The following IGSF3 variants were observed in gnomAD, a reference collection of about 807,000 sequenced individuals.
The protein encoded by IGSF3 is immunoglobulin superfamily member 3.
IGSF3 carries 23 observed loss-of-function variants against 114.4 expected under a neutral mutation model. That is an observed-to-expected ratio of 0.20 (90% confidence interval 0.14 to 0.28). The LOEUF is 0.28. IGSF3 is among the 10% of genes least tolerant of loss of function. The probability of loss-of-function intolerance (pLI) is 1.00; values close to 1 mark genes in which losing one functional copy is unlikely to be tolerated. For missense variants in IGSF3, 1,172 were observed against 1,591.5 expected, an observed-to-expected ratio of 0.74 and a Z score of 4.48; for synonymous variants, 571 against 645.2, an observed-to-expected ratio of 0.88 and a Z score of 1.74.
chr1:116,608,454 A>G (rs1157641363), intron 4 of IGSF3, 123 bp from the exon 5 acceptor site: 1 of 755,320 alleles, frequency 1.3e-6, no homozygotes, highest in African/African-American at 1.8e-5. Flanking sequence ...GGGGAGGACC[A>G]CAGCACTTAG....
chr1:116,613,507 C>T (rs769617235), intron 4 of IGSF3, among the ~76,000 whole-genome samples: 12 of 152,188 alleles, frequency 7.9e-5, no homozygotes, highest in Non-Finnish European at 1.3e-4. Flanking sequence ...AAAGTATAAA[C>T]ACCATGTAGG....
intron 2 of IGSF3, among the ~76,000 whole-genome samples, chr1:116,619,432 T>C (rs1217995547): frequency 5.3e-5 from 8 of 152,318 alleles, no homozygotes; most frequent in African/African-American, 1.9e-4. Context: ...TTATAAACAA[T>C]CCAGACAAAT....
chr1:116,654,138 C>T lies in IGSF3; in HGVS notation c.43+12146G>A, dbSNP rs1446587833. On this transcript the variant is annotated intron_variant, in intron 2 of 10. Coordinates refer to ENST00000369486, the MANE Select transcript of IGSF3 (RefSeq NM_001007237.3). The surrounding 1 kb of genome is among the most constrained non-coding windows in gnomAD (Gnocchi z 4.4). ...TATGTGAAGCAGAATTCCCAACACA[C>T]CACCATCTCCAAACCAACACCAAAC... Among the ~76,000 whole-genome samples, 2 of 152,224 alleles carry T rather than the reference C, an allele frequency of 1.3e-5. No individual in the cohort carries two copies. Among genetic ancestry groups the T allele is most frequent in the Non-Finnish European group, 2.9e-5 (2 of 68,046 alleles).
rs1455523617 is a variant in IGSF3, at chr1:116,593,169, C to T, written c.2030-4065G>A. On this transcript the variant is annotated intron_variant, in intron 7 of 10. Coordinates refer to ENST00000369486, the MANE Select transcript of IGSF3 (RefSeq NM_001007237.3). This position sits in a 1 kb window ranked among gnomAD's most constrained non-coding sequence, Gnocchi z 4.5. ...ACGCCATGGATCTGCAGATCAGCAT[C>T]ACCTGGGAATCTGCCAGCCCCTGCT... Among the ~76,000 whole-genome samples the T allele has an allele frequency of 1.3e-5, 2 of 152,214 alleles. No homozygotes were observed. The highest frequency in any genetic ancestry group is 4.8e-5 in the African/African-American group (2 of 41,462).
Position 116,636,534 on chromosome 1 carries a change from C to G in IGSF3, c.44-20077G>C, listed in dbSNP as rs1483084684. On this transcript the variant is annotated intron_variant, in intron 2 of 10. Transcript: ENST00000369486. This position sits in a 1 kb window ranked among gnomAD's most constrained non-coding sequence, Gnocchi z 4.5. ...CCTAGAATGGTGTGTGGCACCTGAA[C>G]AGACCTCAAAAATATTAGTTGAGTG... Among the ~76,000 whole-genome samples the G allele has an allele frequency of 6.6e-6, 1 of 152,200 alleles. No individual in the cohort carries two copies. Among genetic ancestry groups the G allele is most frequent in the Non-Finnish European group, 1.5e-5 (1 of 68,030 alleles).
At chr1:116,635,684 G>A (rs1647794960) in intron 2 of IGSF3, among the ~76,000 whole-genome samples, 1 of 152,174 alleles carries the variant, frequency 6.6e-6, no homozygotes, top group Non-Finnish European at 1.5e-5. Context: ...CTTCTTGTTG[G>A]GACACTGAAG....
chr1:116,577,011 A>C lies in IGSF3; in HGVS notation c.*301T>G. ...GAAGCCCTGTAACATCTATCTGAGA[A>C]TACTAGATAAATCTGTGAGTAGATG... On this transcript the variant is annotated 3_prime_UTR_variant, in exon 11 of 11. Coordinates refer to ENST00000369486, the MANE Select transcript of IGSF3 (RefSeq NM_001007237.3). This position sits in a 1 kb window ranked among gnomAD's most constrained non-coding sequence, Gnocchi z 5.7. 2.9e-6 allele frequency: 1 copy of C among 350,538 alleles called. No individual in the cohort carries two copies. Among genetic ancestry groups the C allele is most frequent in the Non-Finnish European group, 5.3e-6 (1 of 189,448 alleles). 21.7% of individuals were successfully genotyped at this position (350,538 alleles called of 1,614,324 possible).
intron 2 of IGSF3, among the ~76,000 whole-genome samples, chr1:116,620,977 A>G (rs901822959): frequency 1.3e-5 from 2 of 152,194 alleles, no homozygotes; most frequent in Non-Finnish European, 2.9e-5. Context: ...CTCATGTTCA[A>G]TTATAATCCC....
chr1:116,660,715 T>C (rs374513168), intron 2 of IGSF3, among the ~76,000 whole-genome samples: 23 of 152,236 alleles, frequency 1.5e-4, no homozygotes, highest in Middle Eastern at 3.4e-3. Flanking sequence ...GTGCTGGGAT[T>C]ACAGGCGTAA....
At position 116,628,353 on chromosome 1, in the gene IGSF3, G is replaced by C. The variant is rs1180378285; in HGVS notation, c.44-11896C>G. On this transcript the variant is annotated intron_variant, in intron 2 of 10. Coordinates refer to ENST00000369486, the MANE Select transcript of IGSF3 (RefSeq NM_001007237.3). This position sits in a 1 kb window ranked among gnomAD's most constrained non-coding sequence, Gnocchi z 4.2. ...TGTTGCTGCTGCACTCCCCACTGTG[G>C]TTCTCAGCGCAAATTCCCCAGAAAG... Among the ~76,000 whole-genome samples, 2 of 152,144 alleles carry C rather than the reference G, an allele frequency of 1.3e-5. No individual in the cohort carries two copies. Among genetic ancestry groups the C allele is most frequent in the African/African-American group, 4.8e-5 (2 of 41,424 alleles).
Position 116,585,120 on chromosome 1 carries a change from G to A in IGSF3, c.2441-68C>T. ...AGCAATTCGTACGCACCCTTTCCCA[G>A]GGTAGGTGAATGGATGCCTTCCAAA... On this transcript the variant is annotated intron_variant, in intron 8 of 10. Transcript: ENST00000369486. The surrounding 1 kb of genome is among the most constrained non-coding windows in gnomAD (Gnocchi z 4.9). 1 of 1,286,848 alleles carries A rather than the reference G, an allele frequency of 7.8e-7. No homozygotes were observed. The highest frequency in any genetic ancestry group is 1.1e-6 in the Non-Finnish European group (1 of 944,476). 79.7% of individuals were successfully genotyped at this position (1,286,848 alleles called of 1,614,324 possible).
chr1:116,586,955 A>T (rs1486796360), intron 8 of IGSF3, among the ~76,000 whole-genome samples: 1 of 152,124 alleles, frequency 6.6e-6, no homozygotes, highest in Non-Finnish European at 1.5e-5. Flanking sequence ...TTCCTGTTTA[A>T]TGCACCAGCA....
In IGSF3 at chr1:116,651,858, T is replaced by C. The variant is rs1648646375; in HGVS notation, c.43+14426A>G. ...CCAACTTCAGGATTGTAATTAATTA[T>C]AAATGCATTTATTTGTTTACTGCCT... is the stretch of plus-strand genomic sequence containing the variant. On this transcript the variant is annotated intron_variant, in intron 2 of 10. Coordinates refer to ENST00000369486, the MANE Select transcript of IGSF3 (RefSeq NM_001007237.3). The surrounding 1 kb of genome is among the most constrained non-coding windows in gnomAD (Gnocchi z 4.4). 6.6e-6 allele frequency among the ~76,000 whole-genome samples: 1 copy of C among 152,222 alleles called. No individual in the cohort carries two copies. The highest frequency in any genetic ancestry group is 2.1e-4 in the South Asian group (1 of 4,820).
In IGSF3 at chr1:116,650,231, G is replaced by A. The variant is rs1437844044; in HGVS notation, c.43+16053C>T. On this transcript the variant is annotated intron_variant, in intron 2 of 10. Transcript: ENST00000369486. This position sits in a 1 kb window ranked among gnomAD's most constrained non-coding sequence, Gnocchi z 5.0. ...CTGGCTTCAACAGTGAGGACAAAAT[G>A]TATGGAGATTGGACTGTTCAGTCTT... Among the ~76,000 whole-genome samples the A allele has an allele frequency of 1.3e-5, 2 of 152,210 alleles. No homozygotes were observed. Among genetic ancestry groups the A allele is most frequent in the Non-Finnish European group, 2.9e-5 (2 of 68,036 alleles).
rs755773704 is a variant in IGSF3, at chr1:116,588,731, C to T, written c.2403G>A (p.Glu801=). 5.0e-6 allele frequency: 8 copies of T among 1,612,342 alleles called. No individual in the cohort carries two copies. The highest frequency in any genetic ancestry group is 1.7e-5 in the Admixed American group (1 of 59,908). Residue 801 remains glutamate, a synonymous_variant, in exon 8 of 11, where the codon GAG becomes GAA. Transcript: ENST00000369486. This position sits in a 1 kb window ranked among gnomAD's most constrained non-coding sequence, Gnocchi z 4.9. ...CAGTGACTTCTGTGCGCCCAGAAAC[C>T]TCCTCTGCCAGCTTGTACCAGGCGT... is the stretch of plus-strand genomic sequence containing the variant. ...PNYAWYKLAE[E]VSGRTEVTVK... is the part of the protein sequence containing the mutation.
intron 2 of IGSF3, 48 bp downstream of exon 2, chr1:116,666,236 G>A (rs754930478): frequency 2.6e-6 from 4 of 1,536,982 alleles, no homozygotes; most frequent in Non-Finnish European, 2.7e-6. Context: ...GGAACCAAGA[G>A]CAGGTTAAAC....
rs561876017 is a variant in IGSF3, at chr1:116,663,811, T to C, written c.43+2473A>G. ...TAAAATTGCCATTTCTAGAGGCTGG[T>C]ACCTGCATCGGTCTCACTTTCAGAG... On this transcript the variant is annotated intron_variant, in intron 2 of 10. Transcript: ENST00000369486. Among the ~76,000 whole-genome samples, 56 of 152,288 alleles carry C rather than the reference T, an allele frequency of 3.7e-4. No individual in the cohort carries two copies. In the South Asian group the frequency reaches 0.011, roughly 30 times the overall value.
intron 4 of IGSF3, among the ~76,000 whole-genome samples, chr1:116,609,027 C>G (rs1294571956): frequency 6.6e-6 from 1 of 151,950 alleles, no homozygotes; most frequent in Non-Finnish European, 1.5e-5. Flanking sequence ...GAAGTACCTA[C>G]TAAGTACTTA....
chr1:116,621,519 T>C (rs565676415), intron 2 of IGSF3, among the ~76,000 whole-genome samples: 44 of 152,254 alleles, frequency 2.9e-4, no homozygotes, highest in African/African-American at 9.9e-4. Context: ...GTCAGAAGTA[T>C]CCAGTTAAGA....
Sources: allele counts gnomAD v4.1 joint callset (sites outside exome capture counted in the v4.1 genomes callset), GRCh38; gene constraint gnomAD v4.1.1; non-coding constraint Gnocchi (gnomAD v3.1); transcripts MANE v1.5; gene names NCBI Gene and HGNC (gene_info 2026-07-23, HGNC 2026-07-21).